The following SEMA5A variants were observed in gnomAD, a reference collection of about 807,000 sequenced individuals.
The protein encoded by SEMA5A is semaphorin 5A, also known as semaphorin-5A.
SEMA5A carries 55 observed loss-of-function variants against 135.5 expected under a neutral mutation model. The ratio of observed to expected loss-of-function variants is 0.41; its 90% CI spans 0.33 to 0.51. The LOEUF (loss-of-function observed/expected upper bound fraction) is 0.51, where lower values mean the gene tolerates loss of function less well. Ranked by LOEUF, SEMA5A falls within the 20% of genes least tolerant of loss-of-function variation. The pLI is 0.37. For missense variants in SEMA5A, 1,290 were observed against 1,419.9 expected, an observed-to-expected ratio of 0.91 and a Z score of 1.47; for synonymous variants, 580 against 546.5, an observed-to-expected ratio of 1.06 and a Z score of -0.85.
chr5:9,350,019 G>C (rs1754046874), intron 3 of SEMA5A, among the ~76,000 whole-genome samples: 1 of 152,094 alleles, frequency 6.6e-6, no homozygotes, highest in Admixed American at 6.6e-5. Context: ...TACTGCACTG[G>C]ACACCTTTCA....
chr5:9,121,859 C>T (rs1009533633), intron 14 of SEMA5A, among the ~76,000 whole-genome samples: 4 of 152,290 alleles, frequency 2.6e-5, no homozygotes, highest in South Asian at 2.1e-4. Flanking sequence ...CTGGGCTCTC[C>T]TACAATTTGA....
At chr5:9,528,867 T>C in intron 1 of SEMA5A, among the ~76,000 whole-genome samples, 1 of 152,178 alleles carries the variant, frequency 6.6e-6, no homozygotes, top group Non-Finnish European at 1.5e-5. Flanking sequence ...GAGAACTACA[T>C]TGTTTGCTCA....
At chr5:9,197,361 T>TC in intron 9 of SEMA5A, 58 bp from the exon 10 acceptor site, 1 of 1,582,310 alleles carries the variant, frequency 6.3e-7, no homozygotes, top group South Asian at 1.1e-5. Context: ...CCTGCTGACC[T>TC]CCCCCTATGG....
chr5:9,343,909 C>T (rs936953719), intron 3 of SEMA5A, among the ~76,000 whole-genome samples: 1 of 152,274 alleles, frequency 6.6e-6, no homozygotes. Flanking sequence ...AAATAAGATA[C>T]ATCAGGCTTT....
intron 2 of SEMA5A, among the ~76,000 whole-genome samples, chr5:9,413,599 G>T (rs778850467): frequency 2.0e-5 from 3 of 152,156 alleles, no homozygotes; most frequent in Non-Finnish European, 4.4e-5. Flanking sequence ...GGGGCTAAAA[G>T]GGCGTAGAAG....
chr5:9,425,375 T>TCA (rs376493158), intron 2 of SEMA5A, among the ~76,000 whole-genome samples: 25 of 151,858 alleles, frequency 1.6e-4, no homozygotes, highest in Admixed American at 5.9e-4. Flanking sequence ...CTACATGTGT[T>TCA]CACACACACA....
rs1469548505 is a variant in SEMA5A, at chr5:9,042,923, C to G, written c.3199G>C (p.Asp1067His). Residue 1067 changes from aspartate to histidine, a missense_variant, in exon 23 of 23, where the codon GAT becomes CAT. Around this residue, in one of 3 missense-constraint regions of SEMA5A, gnomAD observed 1,029 missense variants for 1,086.6 expected, o/e 0.95. Coordinates refer to ENST00000382496, the MANE Select transcript of SEMA5A (RefSeq NM_003966.3). ...GKTYSNAYFT[D>H]LNNYDEY Reference sequence around the variant, plus strand: ...TAGTACTCATCATAATTATTGAGATCTGTAAAGTAGGCATTAGAATAGGTC... The same window carrying G: ...TAGTACTCATCATAATTATTGAGATGTGTAAAGTAGGCATTAGAATAGGTC... 1.9e-6 allele frequency: 3 copies of G among 1,613,710 alleles called. No individual in the cohort carries two copies. The Admixed American group carries it at 5.0e-5, about 27-fold the overall frequency.
chr5:9,356,133 G>GT (rs1235621275), intron 3 of SEMA5A, among the ~76,000 whole-genome samples: 1 of 152,180 alleles, frequency 6.6e-6, no homozygotes, highest in Non-Finnish European at 1.5e-5. Context: ...ATAGCCCCAG[G>GT]TAAGTCCCCA....
intron 5 of SEMA5A, among the ~76,000 whole-genome samples, chr5:9,273,627 C>T (rs1477611103): frequency 2.0e-5 from 3 of 152,120 alleles, no homozygotes; most frequent in African/African-American, 7.2e-5. Flanking sequence ...TCCCATCAGA[C>T]TAACAGCAGA....
At chr5:9,273,990 T>C (rs1561095767) in intron 5 of SEMA5A, among the ~76,000 whole-genome samples, 1 of 152,056 alleles carries the variant, frequency 6.6e-6, no homozygotes, top group Non-Finnish European at 1.5e-5. Context: ...CACATAACAA[T>C]ATTAACCTTA....
At chr5:9,189,340 T>A (rs2150344655) in intron 11 of SEMA5A, among the ~76,000 whole-genome samples, 1 of 151,168 alleles carries the variant, frequency 6.6e-6, no homozygotes, top group African/African-American at 2.4e-5. Flanking sequence ...TCCTTCCCAG[T>A]GTTTCAAATG....
At chr5:9,144,032 AT>A (rs536081952) in intron 12 of SEMA5A, among the ~76,000 whole-genome samples, 23 of 152,192 alleles carry the variant, frequency 1.5e-4, no homozygotes, top group Admixed American at 2.6e-4. Context: ...CTCACCAGGA[AT>A]GGCAACCAGA....
chr5:9,202,190 A>G lies in SEMA5A; in HGVS notation c.697T>C (p.Phe233Leu). The G allele has an allele frequency of 6.2e-7, 1 of 1,614,148 alleles. No individual in the cohort carries two copies. The highest frequency in any genetic ancestry group is 8.5e-7 in the Non-Finnish European group (1 of 1,180,004). Residue 233 changes from phenylalanine (F) to leucine (L), a missense_variant, in exon 9 of 23, where the codon TTC (phenylalanine) becomes CTC (leucine). By Grantham distance (22) the Phe-to-Leu change is conservative. Coordinates refer to ENST00000382496, the MANE Select transcript of SEMA5A (RefSeq NM_003966.3). ...YDIGNFTYFFFRENAVEHDCG... is the reference protein window; with the variant it reads ...YDIGNFTYFFLRENAVEHDCG... ...TCATGCTCTACTGCATTTTCTCGGA[A>G]AAAGAAGTAGGTAAAATTTCCGATG... is the stretch of plus-strand genomic sequence containing the variant.
chr5:9,450,822 T>C (rs1285527847), intron 1 of SEMA5A, among the ~76,000 whole-genome samples: 1 of 152,206 alleles, frequency 6.6e-6, no homozygotes, highest in Non-Finnish European at 1.5e-5. Flanking sequence ...AATATGTCCT[T>C]AGCAGCATTC....
chr5:9,076,069 G>T (rs1172066549), intron 16 of SEMA5A, among the ~76,000 whole-genome samples: 2 of 151,998 alleles, frequency 1.3e-5, no homozygotes, highest in Non-Finnish European at 2.9e-5. Flanking sequence ...GCTGGGCATG[G>T]TGGCACGTGC....
At chr5:9,182,369 C>A (rs566515993) in intron 11 of SEMA5A, among the ~76,000 whole-genome samples, 1 of 152,136 alleles carries the variant, frequency 6.6e-6, no homozygotes, top group Admixed American at 6.5e-5. Context: ...CATCTGTCAG[C>A]TTCTCTTCAA....
At chr5:9,051,827 T>G in intron 20 of SEMA5A, 46 bp downstream of exon 20, 2 of 1,607,048 alleles carry the variant, frequency 1.2e-6, no homozygotes, top group Non-Finnish European at 1.7e-6. Context: ...TCTCTCTCCA[T>G]GTTGGAAATG....
intron 12 of SEMA5A, among the ~76,000 whole-genome samples, chr5:9,143,932 G>A (rs775260887): frequency 2.6e-5 from 4 of 152,302 alleles, no homozygotes; most frequent in South Asian, 4.1e-4. Context: ...GGCTAGGATT[G>A]TACCAGGGGA....
intron 12 of SEMA5A, among the ~76,000 whole-genome samples, chr5:9,148,827 C>A (rs1742478942): frequency 6.6e-6 from 1 of 152,148 alleles, no homozygotes; most frequent in African/African-American, 2.4e-5. Context: ...TCAAGCGATT[C>A]TCTTGCCTCA....
Sources: allele counts gnomAD v4.1 joint callset (sites outside exome capture counted in the v4.1 genomes callset), GRCh38; gene constraint gnomAD v4.1.1; regional missense constraint gnomAD v4.1.1; transcripts MANE v1.5; gene names NCBI Gene and HGNC (gene_info 2026-07-23, HGNC 2026-07-21).